Variants in FOCAD observed in about 807,000 individuals in gnomAD.
The protein encoded by FOCAD is KIAA1797.
FOCAD carries 198 observed loss-of-function variants against 225.6 expected under a neutral mutation model. That is an observed-to-expected ratio of 0.88 (90% CI 0.78 to 0.99). The LOEUF (loss-of-function observed/expected upper bound fraction) is 0.99. FOCAD is among the 50% of genes least tolerant of loss of function. The pLI is 0.00. For synonymous variants in FOCAD, 897 were observed against 755.0 expected (o/e 1.19, Z -3.08); for missense variants, 2,713 against 2,123.6 (o/e 1.28, Z -5.46).
chr9:20,888,179 C>A (rs1831286771), intron 21 of FOCAD, among the ~76,000 whole-genome samples: 1 of 124,444 alleles, frequency 8.0e-6, no homozygotes, highest in Admixed American at 1.0e-4. Context: ...TGCTCTGTTG[C>A]CCAGGCGGGA....
intron 35 of FOCAD, among the ~76,000 whole-genome samples, chr9:20,958,930 A>G (rs1838450712): frequency 6.6e-6 from 1 of 152,120 alleles, no homozygotes; most frequent in Non-Finnish European, 1.5e-5. Flanking sequence ...TTAAAAATCC[A>G]TTCATCTATT....
intron 11 of FOCAD, among the ~76,000 whole-genome samples, chr9:20,791,796 C>G (rs1820566661): frequency 6.6e-6 from 1 of 152,086 alleles, no homozygotes; most frequent in African/African-American, 2.4e-5. Context: ...TTTCTGCCAC[C>G]AGGTTCATGT....
intron 15 of FOCAD, among the ~76,000 whole-genome samples, chr9:20,860,874 G>T (rs957700504): frequency 6.6e-6 from 1 of 152,186 alleles, no homozygotes; most frequent in African/African-American, 2.4e-5. Context: ...AATCTCTAAA[G>T]CCTACCTTTT....
At chr9:20,915,483 T>C (rs921039933) in intron 23 of FOCAD, among the ~76,000 whole-genome samples, 3 of 152,188 alleles carry the variant, frequency 2.0e-5, no homozygotes, top group African/African-American at 7.2e-5. Flanking sequence ...CTGCAGAAGA[T>C]AGGGACTGAG....
At chr9:20,929,715 C>G in intron 27 of FOCAD, 119 bp downstream of exon 27, 1 of 740,966 alleles carries the variant, frequency 1.3e-6, no homozygotes. Flanking sequence ...GCTAAACTTT[C>G]TGAGATGGGC....
intron 18 of FOCAD, chr9:20,873,847 G>A (rs6475482): frequency 0.82 from 125,039 of 152,060 alleles, 51,580 homozygotes; most frequent in Admixed American, 0.88. Context: ...GGCTAATGGT[G>A]ATGACTGGAT....
intron 27 of FOCAD, 62 bp from the exon 28 acceptor site, chr9:20,932,952 C>A: frequency 8.8e-7 from 1 of 1,142,258 alleles, no homozygotes; most frequent in Non-Finnish European, 1.3e-6. Flanking sequence ...ATATTGTATT[C>A]AGTATTTTGG....
chr9:20,695,002 C>A (rs1823240510), intron 1 of FOCAD, among the ~76,000 whole-genome samples: 1 of 152,164 alleles, frequency 6.6e-6, no homozygotes, highest in African/African-American at 2.4e-5. Context: ...TACAATCCCT[C>A]CACTCCTTTT....
At chr9:20,955,717 C>G (rs1838078791) in intron 35 of FOCAD, among the ~76,000 whole-genome samples, 1 of 152,002 alleles carries the variant, frequency 6.6e-6, no homozygotes, top group Admixed American at 6.6e-5. Context: ...TTTTTTCCCC[C>G]TGAAGAACCT....
chr9:20,712,697 T>C (rs921564924), intron 1 of FOCAD, among the ~76,000 whole-genome samples: 1 of 149,612 alleles, frequency 6.7e-6, no homozygotes, highest in African/African-American at 2.4e-5. Flanking sequence ...ATTAAAAACC[T>C]TGGAGTCATC....
intron 16 of FOCAD, among the ~76,000 whole-genome samples, chr9:20,865,344 T>C (rs1031050989): frequency 1.3e-5 from 2 of 152,072 alleles, no homozygotes; most frequent in Non-Finnish European, 2.9e-5. Flanking sequence ...GAACCTAATA[T>C]GATTTAGAGG....
chr9:20,993,259 G>A lies in FOCAD; in HGVS notation c.5263G>A (p.Asp1755Asn). ...PWKEQTQKFIDWLFSIMESPK... is the reference protein window; with the variant it reads ...PWKEQTQKFINWLFSIMESPK... ...TTTTTCATTTTTACCCTAGTTCATTGACTGGCTATTCAGCATCATGGAAAG... is the reference window on the plus strand; with the variant it reads ...TTTTTCATTTTTACCCTAGTTCATTAACTGGCTATTCAGCATCATGGAAAG... The change falls in exon 43 of 44, where the codon GAC becomes AAC. Residue 1755 changes from aspartate to asparagine, a missense_variant. Asp to Asn is a conservative substitution (Grantham distance 23, BLOSUM62 1). Coordinates refer to ENST00000338382, the MANE Select transcript of FOCAD (RefSeq NM_001375567.1). The A allele has an allele frequency of 6.2e-7, 1 of 1,613,396 alleles. No homozygotes were observed. The highest frequency in any genetic ancestry group is 8.5e-7 in the Non-Finnish European group (1 of 1,179,498).
intron 2 of FOCAD, among the ~76,000 whole-genome samples, chr9:20,668,021 A>T (rs1046727379): frequency 6.6e-6 from 1 of 152,222 alleles, no homozygotes. Context: ...CTGAAAGAAG[A>T]TCTATTATCT....
Position 20,678,105 on chromosome 9 carries a change from T to C in FOCAD, c.-77-16415T>C, listed in dbSNP as rs571762188. 1.7e-3 allele frequency among the ~76,000 whole-genome samples: 257 copies of C among 152,342 alleles called. 1 individual carries two copies. Among genetic ancestry groups the C allele is most frequent in the Middle Eastern group, 3.4e-3 (1 of 294 alleles). ...TGAGGCAAATTTACTCTCTGGTCCA[T>C]TTCAGAAAGAAATTGCTGGCTTAGA... On this transcript the variant is annotated intron_variant, in intron 2 of 45. Coordinates refer to the FOCAD transcript ENST00000380249.
chr9:20,739,824 C>T (rs1295936945), intron 4 of FOCAD, among the ~76,000 whole-genome samples: 2 of 152,028 alleles, frequency 1.3e-5, no homozygotes, highest in Admixed American at 1.3e-4. Context: ...GCTTTGATTG[C>T]TTCCCTGGCC....
intron 8 of FOCAD, among the ~76,000 whole-genome samples, chr9:20,776,906 A>G (rs1344694536): frequency 1.3e-5 from 2 of 152,218 alleles, no homozygotes; most frequent in African/African-American, 4.8e-5. Context: ...ATAGCAAAGA[A>G]TGGTATGATA....
chr9:20,810,121 G>A (rs937073520), intron 11 of FOCAD, among the ~76,000 whole-genome samples: 2 of 152,108 alleles, frequency 1.3e-5, no homozygotes, highest in African/African-American at 4.8e-5. Flanking sequence ...ATGAGGCAAA[G>A]TCAAGAAGAC....
intron 7 of FOCAD, among the ~76,000 whole-genome samples, chr9:20,769,583 C>T (rs916887272): frequency 6.6e-6 from 1 of 152,192 alleles, no homozygotes; most frequent in Non-Finnish European, 1.5e-5. Flanking sequence ...TTAAGGCTGC[C>T]TGAGCAAGTA....
chr9:20,892,554 T>C (rs902801909), intron 21 of FOCAD, among the ~76,000 whole-genome samples: 1 of 151,900 alleles, frequency 6.6e-6, no homozygotes, highest in Admixed American at 6.6e-5. Flanking sequence ...CCAAGAGAAG[T>C]AGAATTAGAA....
Sources: gnomAD v4.1 joint callset for allele counts (sites outside exome capture counted in the v4.1 genomes callset) on GRCh38, gnomAD v4.1.1 for gene constraint, MANE v1.5 for transcripts, NCBI Gene and HGNC (gene_info 2026-07-23, HGNC 2026-07-21) for gene names.